MGLL: variants seen among roughly 807,000 people sequenced by gnomAD.
The protein encoded by MGLL is lysophospholipase homolog.
MGLL carries 7 observed loss-of-function variants against 29.1 expected under a neutral mutation model. The observed-to-expected ratio is 0.24, with a 90% CI of 0.14 to 0.45. The LOEUF is 0.45. Among genes scored for constraint, MGLL ranks in the 20% least tolerant of loss-of-function variants. The pLI is 0.99. For synonymous variants in MGLL, 148 were observed against 168.3 expected (o/e 0.88, Z 0.93); for missense variants, 356 against 413.6 (o/e 0.86, Z 1.21).
At chr3:127,767,078 A>C (rs7646158) in intron 3 of MGLL, among the ~76,000 whole-genome samples, 127,874 of 151,920 alleles carry the variant, frequency 0.84, 54,054 homozygotes, top group Admixed American at 0.89. Context: ...ATCAAAAAAA[A>C]AAACAAAAAA....
chr3:127,714,274 C>T, intron 5 of MGLL: 1 of 152,178 alleles, frequency 6.6e-6, no homozygotes, highest in East Asian at 1.9e-4. Context: ...TGTGAATGAT[C>T]TATTGCTGAA....
At chr3:127,718,881 G>A (rs1028041973) in intron 5 of MGLL, among the ~76,000 whole-genome samples, 1 of 152,186 alleles carries the variant, frequency 6.6e-6, no homozygotes, top group African/African-American at 2.4e-5. Context: ...CTTTCAGGAA[G>A]GTTGTCAGAC....
chr3:127,749,938 T>C (rs2107667751), intron 3 of MGLL, among the ~76,000 whole-genome samples: 1 of 152,222 alleles, frequency 6.6e-6, no homozygotes, highest in East Asian at 1.9e-4. Context: ...GTTTGAAGAT[T>C]CCAATGGGCC....
intron 2 of MGLL, among the ~76,000 whole-genome samples, chr3:127,821,150 A>G (rs770098405): frequency 1.3e-5 from 2 of 152,334 alleles, no homozygotes; most frequent in African/African-American, 2.4e-5. Context: ...TATAGTCCCA[A>G]TGTTTGCTTC....
intron 3 of MGLL, chr3:127,735,786 A>C (rs1382619397): frequency 6.3e-7 from 1 of 1,598,232 alleles, no homozygotes; most frequent in Non-Finnish European, 8.5e-7. Context: ...AGAGGAGAAA[A>C]ATGTATAAAT....
intron 2 of MGLL, among the ~76,000 whole-genome samples, chr3:127,815,938 T>G (rs2077747194): frequency 6.6e-6 from 1 of 152,214 alleles, no homozygotes; most frequent in African/African-American, 2.4e-5. Flanking sequence ...AAGGAAGTAT[T>G]TGCTGAATGA....
intron 3 of MGLL, among the ~76,000 whole-genome samples, chr3:127,747,130 C>T (rs1332653340): frequency 1.3e-5 from 2 of 152,178 alleles, no homozygotes; most frequent in Non-Finnish European, 2.9e-5. Flanking sequence ...TCCTCAGCCC[C>T]CTCTTCAGTA....
chr3:127,763,060 G>A (rs567771478), intron 3 of MGLL, among the ~76,000 whole-genome samples: 19 of 152,320 alleles, frequency 1.2e-4, no homozygotes, highest in Admixed American at 4.6e-4. Flanking sequence ...AAAGATGTGT[G>A]ATCCACCCTC....
intron 2 of MGLL, among the ~76,000 whole-genome samples, chr3:127,818,859 C>T (rs1040771408): frequency 6.6e-6 from 1 of 152,172 alleles, no homozygotes; most frequent in African/African-American, 2.4e-5. Context: ...CATGTGTGCA[C>T]AGAATCTAGT....
At chr3:127,756,085 GAAATAT>G (rs1179611363) in intron 3 of MGLL, among the ~76,000 whole-genome samples, 2 of 152,192 alleles carry the variant, frequency 1.3e-5, no homozygotes, top group African/African-American at 4.8e-5. Context: ...TTTTATGTCT[GAAATAT>G]AAATGTAATG....
Position 127,695,034 on chromosome 3 carries a change from C to T in MGLL, c.757G>A (p.Asp253Asn). The change falls in exon 7 of 8, where the codon GAC (aspartate) becomes AAC (asparagine). Residue 253 changes from aspartate to asparagine, a missense_variant. Coordinates refer to ENST00000265052, the MANE Select transcript of MGLL (RefSeq NM_007283.7). The stretch of plus-strand genomic sequence containing the variant: ...ATGAGCAGGTAGGCCCCTTTGCTGT[C>T]ACATAGGCGATCGGCAGAGCCCTGG... ...LLQGSADRLC[D>N]SKGAYLLMEL... is the part of the protein sequence containing the mutation. 1 of 1,614,110 alleles carries T rather than the reference C, an allele frequency of 6.2e-7. No homozygotes were observed. Among genetic ancestry groups the T allele is most frequent in the Non-Finnish European group, 8.5e-7 (1 of 1,180,020 alleles).
At chr3:127,804,397 C>G (rs1187717054) in intron 2 of MGLL, among the ~76,000 whole-genome samples, 2 of 152,250 alleles carry the variant, frequency 1.3e-5, no homozygotes, top group Non-Finnish European at 2.9e-5. Flanking sequence ...ATCGCTTCTG[C>G]TCACTTGTCC....
chr3:127,759,200 C>T (rs1476818325), intron 3 of MGLL, among the ~76,000 whole-genome samples: 1 of 152,198 alleles, frequency 6.6e-6, no homozygotes, highest in Admixed American at 6.5e-5. Context: ...GCTGGGATTA[C>T]AGGCGTGAGC....
intron 2 of MGLL, among the ~76,000 whole-genome samples, chr3:127,806,906 T>C (rs541912079): frequency 1.6e-4 from 25 of 152,340 alleles, no homozygotes; most frequent in Admixed American, 1.0e-3. Flanking sequence ...CTAGTATTTG[T>C]TAAGTATTTT....
At chr3:127,736,294 CAAG>C (rs1207041910) in intron 3 of MGLL, 1 of 985,694 alleles carries the variant, frequency 1.0e-6, no homozygotes, top group East Asian at 1.1e-4. Flanking sequence ...TATTTTTTAA[CAAG>C]AAGTGAAACT....
chr3:127,737,659 T>TTTTTTTTTG (rs2076266996), intron 3 of MGLL, among the ~76,000 whole-genome samples: 1 of 74,734 alleles, frequency 1.3e-5, no homozygotes, highest in African/African-American at 4.3e-5. Context: ...TTTTTTTTTT[T>TTTTTTTTTG]GTGAGACAGG....
chr3:127,791,095 G>A (rs1015689063), intron 2 of MGLL: 1 of 152,248 alleles, frequency 6.6e-6, no homozygotes, highest in Non-Finnish European at 1.5e-5. Flanking sequence ...GTCTGAGGAG[G>A]CTTCCTCTTC....
intron 2 of MGLL, chr3:127,783,851 G>A (rs1034597658): frequency 3.3e-5 from 5 of 152,232 alleles, no homozygotes; most frequent in Non-Finnish European, 2.9e-5. Context: ...GAGGAGCACG[G>A]CTGGAACTGC....
intron 3 of MGLL, chr3:127,735,733 C>A: frequency 1.3e-6 from 2 of 1,598,066 alleles, no homozygotes; most frequent in Non-Finnish European, 8.5e-7. Flanking sequence ...CCAGCACGTG[C>A]TCGCTCCCCG....
Sources: gnomAD v4.1 joint callset for allele counts (sites outside exome capture counted in the v4.1 genomes callset) on GRCh38, gnomAD v4.1.1 for gene constraint, MANE v1.5 for transcripts, NCBI Gene and HGNC (gene_info 2026-07-23, HGNC 2026-07-21) for gene names.